Variants in CDH9 observed in about 807,000 individuals in gnomAD.
The protein encoded by CDH9 is cadherin 9, also known as cadherin-9.
CDH9 carries 28 observed loss-of-function variants against 70.9 expected under a neutral mutation model. The ratio of observed to expected loss-of-function variants is 0.40; its 90% CI spans 0.29 to 0.54. CDH9 has a LOEUF of 0.54. Among genes scored for constraint, CDH9 ranks in the 20% least tolerant of loss-of-function variants. The pLI, the probability that CDH9 is intolerant of heterozygous loss-of-function variation, is 0.59. For missense variants in CDH9, 874 were observed against 984.4 expected (o/e 0.89, Z 1.50); for synonymous variants, 409 against 343.1 (o/e 1.19, Z -2.12).
chr5:26,896,450 T>G (rs1740751317), intron 7 of CDH9, among the ~76,000 whole-genome samples: 1 of 140,002 alleles, frequency 7.1e-6, no homozygotes, highest in Non-Finnish European at 1.6e-5. Context: ...ATAATATACA[T>G]GATAGTATAT....
At chr5:27,021,399 G>A (rs1743136437) in intron 1 of CDH9, among the ~76,000 whole-genome samples, 1 of 151,718 alleles carries the variant, frequency 6.6e-6, no homozygotes, top group African/African-American at 2.4e-5. Flanking sequence ...TATTACAAAA[G>A]TTGGAAGAAA....
At chr5:26,884,531 G>A (rs1740527551) in intron 11 of CDH9, among the ~76,000 whole-genome samples, 1 of 152,112 alleles carries the variant, frequency 6.6e-6, no homozygotes, top group Admixed American at 6.6e-5. Context: ...GATTGAAACT[G>A]CTGATGGTGA....
intron 1 of CDH9, among the ~76,000 whole-genome samples, chr5:26,994,152 A>C (rs1742627622): frequency 6.6e-6 from 1 of 152,098 alleles, no homozygotes; most frequent in Non-Finnish European, 1.5e-5. Context: ...GTAGACAAAA[A>C]TTTTACTCAG....
intron 1 of CDH9, among the ~76,000 whole-genome samples, chr5:27,011,007 T>G (rs2112115113): frequency 6.6e-6 from 1 of 152,202 alleles, no homozygotes; most frequent in Middle Eastern, 3.4e-3. Flanking sequence ...CTGGAAAATC[T>G]TATGGCCCTT....
intron 2 of CDH9, among the ~76,000 whole-genome samples, chr5:26,933,929 T>C (rs1240754398): frequency 6.6e-6 from 1 of 152,110 alleles, no homozygotes; most frequent in Non-Finnish European, 1.5e-5. Flanking sequence ...TCCATTTGTA[T>C]TGCTATAAAG....
chr5:27,020,676 A>G (rs557081906), intron 1 of CDH9, among the ~76,000 whole-genome samples: 11 of 151,562 alleles, frequency 7.3e-5, no homozygotes, highest in African/African-American at 2.4e-4. Context: ...TTTCTATGCC[A>G]TTATGAAAAT....
intron 2 of CDH9, among the ~76,000 whole-genome samples, chr5:26,937,962 C>T (rs186975981): frequency 3.7e-4 from 56 of 151,914 alleles, no homozygotes; most frequent in Admixed American, 3.0e-3. Flanking sequence ...AAATGAACCC[C>T]GATGGGAACT....
chr5:27,019,258 G>A lies in CDH9; in HGVS notation c.-50+19205C>T, dbSNP rs574492387. ...ATCTCCTATTACAGATGAGACTATA[G>A]CAATGGAGATGCAGATATTAATAAA... On this transcript the variant is annotated intron_variant, in intron 1 of 11. Transcript: ENST00000231021. 1.3e-4 allele frequency among the ~76,000 whole-genome samples: 20 copies of A among 152,120 alleles called. 1 individual carries two copies. The South Asian group carries it at 4.1e-3, about 31-fold the overall frequency.
At chr5:26,881,774 A>G (rs1740470716) in intron 11 of CDH9, 151 bp from the exon 12 acceptor site, 1 of 683,504 alleles carries the variant, frequency 1.5e-6, no homozygotes, top group Non-Finnish European at 2.4e-6. Context: ...GAGTTCCTCT[A>G]GGCAATGACT....
At chr5:26,928,062 AT>A (rs559656854) in intron 2 of CDH9, among the ~76,000 whole-genome samples, 141 of 152,062 alleles carry the variant, frequency 9.3e-4, no homozygotes, top group African/African-American at 2.8e-3. Context: ...AATTATACAT[AT>A]TTTTAGATGA....
At chr5:26,888,081 C>T (rs1160203356) in intron 9 of CDH9, among the ~76,000 whole-genome samples, 1 of 151,118 alleles carries the variant, frequency 6.6e-6, no homozygotes, top group Non-Finnish European at 1.5e-5. Context: ...TTTTTAAGTC[C>T]ACATTTTTAT....
At chr5:26,914,440 G>A (rs186084442) in intron 3 of CDH9, among the ~76,000 whole-genome samples, 2 of 151,796 alleles carry the variant, frequency 1.3e-5, no homozygotes, top group East Asian at 3.9e-4. Context: ...AAATATAACA[G>A]GGAACATATC....
chr5:27,023,542 T>G (rs1373776901), intron 1 of CDH9, among the ~76,000 whole-genome samples: 1 of 152,106 alleles, frequency 6.6e-6, no homozygotes, highest in East Asian at 1.9e-4. Context: ...TGGATTCTAC[T>G]CTTTTTTGTT....
intron 3 of CDH9, among the ~76,000 whole-genome samples, chr5:26,909,785 ATAAC>A (rs1741016726): frequency 6.6e-6 from 1 of 151,990 alleles, no homozygotes; most frequent in South Asian, 2.1e-4. Context: ...ACTTAACTGT[ATAAC>A]TAATAATCTT....
At chr5:27,017,893 TGTA>T (rs1743072452) in intron 1 of CDH9, among the ~76,000 whole-genome samples, 1 of 149,856 alleles carries the variant, frequency 6.7e-6, no homozygotes, top group South Asian at 2.1e-4. Context: ...GTAGTAGTGA[TGTA>T]GTACGTATTT....
intron 1 of CDH9, among the ~76,000 whole-genome samples, chr5:26,989,855 G>T (rs1742551623): frequency 1.3e-5 from 2 of 152,028 alleles, no homozygotes; most frequent in Non-Finnish European, 1.5e-5. Flanking sequence ...ATATCACTTG[G>T]TCTTCATTAA....
At chr5:26,883,612 C>T (rs550854615) in intron 11 of CDH9, among the ~76,000 whole-genome samples, 10 of 151,978 alleles carry the variant, frequency 6.6e-5, no homozygotes, top group Non-Finnish European at 1.5e-5. Context: ...TAAATCAAAC[C>T]ATAGTTAGAC....
intron 2 of CDH9, among the ~76,000 whole-genome samples, chr5:26,938,988 C>G (rs980150553): frequency 6.6e-6 from 1 of 151,666 alleles, no homozygotes; most frequent in African/African-American, 2.4e-5. Context: ...GTAACAACAA[C>G]AATTTAAAAT....
chr5:26,968,852 T>TAA (rs1742171266), intron 2 of CDH9, among the ~76,000 whole-genome samples: 1 of 152,158 alleles, frequency 6.6e-6, no homozygotes, highest in African/African-American at 2.4e-5. Context: ...GCAAATATGG[T>TAA]AAATAATTAA....
Sources: gnomAD v4.1 joint callset for allele counts (sites outside exome capture counted in the v4.1 genomes callset) on GRCh38, gnomAD v4.1.1 for gene constraint, MANE v1.5 for transcripts, NCBI Gene and HGNC (gene_info 2026-07-23, HGNC 2026-07-21) for gene names.